The following MYO10 variants were observed in gnomAD, a reference collection of about 807,000 sequenced individuals.
MYO10 encodes the protein myosin X, also known as unconventional myosin-X.
MYO10 carries 133 observed loss-of-function variants against 257.3 expected under a neutral mutation model. The observed-to-expected ratio is 0.52, with a 90% CI of 0.45 to 0.60. The LOEUF (loss-of-function observed/expected upper bound fraction) is 0.60, where lower values mean the gene tolerates loss of function less well. Ranked by LOEUF, MYO10 falls within the 20% of genes least tolerant of loss-of-function variation. The probability of loss-of-function intolerance (pLI) is 0.00; values close to 1 mark genes in which losing one functional copy is unlikely to be tolerated. For synonymous variants in MYO10, 1,104 were observed against 1,028.6 expected (o/e 1.07, Z -1.40); for missense variants, 2,399 against 2,635.7 (o/e 0.91, Z 1.97).
chr5:16,693,472 T>G (rs887089065), intron 27 of MYO10, among the ~76,000 whole-genome samples: 1 of 152,108 alleles, frequency 6.6e-6, no homozygotes, highest in Non-Finnish European at 1.5e-5. Flanking sequence ...GAGACATGAG[T>G]TTTCCCTTAC....
chr5:16,807,858 T>C (rs1742324399), intron 3 of MYO10, among the ~76,000 whole-genome samples: 1 of 152,130 alleles, frequency 6.6e-6, no homozygotes, highest in Non-Finnish European at 1.5e-5. Flanking sequence ...CCCATGTATT[T>C]TTATCACACC....
intron 3 of MYO10, chr5:16,815,531 T>C (rs570606864): frequency 1.5e-6 from 1 of 670,378 alleles, no homozygotes; most frequent in East Asian, 2.7e-5. Flanking sequence ...TACAAGACTT[T>C]GTAATATGAA....
chr5:16,902,225 T>TTA, intron 1 of MYO10: 1 of 673,494 alleles, frequency 1.5e-6, no homozygotes. Flanking sequence ...TTTTTTTTTT[T>TTA]AAAGTACAAT....
rs374825122 is a variant in MYO10, at chr5:16,769,084, G to C, written c.1050C>G (p.Ser350=). 1 of 1,610,308 alleles carries C rather than the reference G, an allele frequency of 6.2e-7. No homozygotes were observed. Among genetic ancestry groups the C allele is most frequent in the South Asian group, 1.1e-5 (1 of 90,046 alleles). The stretch of plus-strand genomic sequence containing the variant: ...CAGGCATAATCTTACCTGTTTTGAA[G>C]GAAACCTGTGCCCCACCAGCAGTGA... ...EFITAGGAQV[S]FKTALGRSAE... The change falls in exon 10 of 41, where the codon TCC becomes TCG. Residue 350 remains serine (S), a synonymous_variant. Transcript: ENST00000513610.
intron 1 of MYO10, among the ~76,000 whole-genome samples, chr5:16,927,425 T>C (rs1746165639): frequency 6.6e-6 from 1 of 152,096 alleles, no homozygotes; most frequent in Admixed American, 6.6e-5. Flanking sequence ...CCCAGGTTCA[T>C]GCCATTCTCC....
intron 19 of MYO10, among the ~76,000 whole-genome samples, chr5:16,714,676 A>C (rs554343273): frequency 2.0e-5 from 3 of 152,334 alleles, no homozygotes; most frequent in Admixed American, 2.0e-4. Context: ...AAACAAAATT[A>C]GCCGGGCGTG....
chr5:16,677,510 G>C (rs1456489747), intron 33 of MYO10, among the ~76,000 whole-genome samples: 1 of 147,420 alleles, frequency 6.8e-6, no homozygotes, highest in Non-Finnish European at 1.5e-5. Context: ...CCGCCTCCCG[G>C]GTTCACACCA....
chr5:16,929,205 G>A (rs974548410), intron 1 of MYO10, among the ~76,000 whole-genome samples: 6 of 151,820 alleles, frequency 4.0e-5, no homozygotes, highest in Non-Finnish European at 7.4e-5. Context: ...CGCCCACCTC[G>A]GCCTCCCAAA....
intron 1 of MYO10, among the ~76,000 whole-genome samples, chr5:16,912,440 C>G (rs1012519053): frequency 2.0e-5 from 3 of 152,148 alleles, no homozygotes; most frequent in African/African-American, 7.2e-5. Flanking sequence ...TTACCTGAGG[C>G]CCCATATTTG....
intron 21 of MYO10, among the ~76,000 whole-genome samples, chr5:16,705,150 T>C (rs1260881648): frequency 2.0e-5 from 3 of 152,220 alleles, no homozygotes; most frequent in African/African-American, 7.2e-5. Context: ...TTATTTTGCC[T>C]TTATGTGGAA....
intron 19 of MYO10, among the ~76,000 whole-genome samples, chr5:16,749,898 T>A (rs1740332428): frequency 1.3e-5 from 2 of 152,212 alleles, no homozygotes; most frequent in South Asian, 4.1e-4. Context: ...AGAATGTTAA[T>A]GAGAGACTTT....
At chr5:16,697,224 C>T (rs943281291) in intron 26 of MYO10, among the ~76,000 whole-genome samples, 2 of 151,870 alleles carry the variant, frequency 1.3e-5, no homozygotes, top group Admixed American at 6.6e-5. Flanking sequence ...GACTGACAGT[C>T]GTCACTAGAC....
At chr5:16,683,707 G>A (rs151131368) in intron 30 of MYO10, among the ~76,000 whole-genome samples, 173 bp downstream of exon 30, 2 of 152,320 alleles carry the variant, frequency 1.3e-5, no homozygotes, top group Admixed American at 6.5e-5. Flanking sequence ...TCCAGGTGAT[G>A]TAAAATTGGG....
At chr5:16,883,123 G>A (rs971930916) in intron 1 of MYO10, among the ~76,000 whole-genome samples, 10 of 151,980 alleles carry the variant, frequency 6.6e-5, no homozygotes, top group African/African-American at 2.4e-4. Flanking sequence ...CACCGTGTTA[G>A]CCAGGATGGT....
intron 2 of MYO10, among the ~76,000 whole-genome samples, chr5:16,820,384 G>A (rs1332329641): frequency 2.0e-5 from 3 of 152,182 alleles, no homozygotes; most frequent in African/African-American, 7.2e-5. Context: ...GCCGACCAGG[G>A]TGGGGCAGAA....
intron 1 of MYO10, among the ~76,000 whole-genome samples, chr5:16,920,316 G>C (rs1030450419): frequency 3.9e-5 from 6 of 152,078 alleles, no homozygotes; most frequent in Non-Finnish European, 8.8e-5. Context: ...AAGTGTTCCT[G>C]AACAATGCAA....
intron 1 of MYO10, among the ~76,000 whole-genome samples, chr5:16,889,474 AG>A (rs1561041049): frequency 8.3e-5 from 11 of 133,270 alleles, no homozygotes; most frequent in East Asian, 2.2e-4. Context: ...AGGGAAGAAA[AG>A]AAAGAAGGAA....
intron 3 of MYO10, among the ~76,000 whole-genome samples, chr5:16,796,460 GAAAGAAAGAAAAGA>G (rs1188392115): frequency 5.2e-5 from 5 of 96,218 alleles, no homozygotes; most frequent in East Asian, 6.6e-4. Flanking sequence ...AAGAAAGAAA[GAAAGAAAGAAAAGA>G]AAAGAAAAGA....
intron 4 of MYO10, 117 bp downstream of exon 4, chr5:16,794,529 A>G: frequency 1.0e-6 from 1 of 978,898 alleles, no homozygotes; most frequent in Non-Finnish European, 1.4e-6. Context: ...TCTGTCGGAG[A>G]AACTCAGGCG....
Sources: allele counts gnomAD v4.1 joint callset (sites outside exome capture counted in the v4.1 genomes callset), GRCh38; gene constraint gnomAD v4.1.1; transcripts MANE v1.5; gene names NCBI Gene and HGNC (gene_info 2026-07-23, HGNC 2026-07-21).